The following BTBD17 variants were observed in gnomAD, a reference collection of about 807,000 sequenced individuals.
The protein encoded by BTBD17 is BTB domain containing 17.
Under a neutral mutation model 36.9 loss-of-function variants are expected in BTBD17, and 26 were observed. The observed-to-expected ratio is 0.70, with a 90% CI of 0.52 to 0.98. The LOEUF is 0.98. BTBD17 is among the 50% of genes least tolerant of loss of function. The pLI, the probability that BTBD17 is intolerant of heterozygous loss-of-function variation, is 0.00. For missense variants in BTBD17, 630 were observed against 691.3 expected, an observed-to-expected ratio of 0.91 and a Z score of 0.99; for synonymous variants, 341 against 338.0, an observed-to-expected ratio of 1.01 and a Z score of -0.10.
rs1356580949 is a variant in BTBD17 at position 74,357,488 on chromosome 17, G to A, written c.606C>T (p.Ser202=). The change falls in exon 3 of 3, where the codon AGC becomes AGT. Residue 202 remains serine, a synonymous_variant. Transcript: ENST00000375366. This position sits in a 1 kb window ranked among gnomAD's most constrained non-coding sequence, Gnocchi z 8.4. ...CGGGGCTCACGGCGCCCCACTCGGT[G>A]CTGGCCGCCACGGCCGACAGGTTCC... ...LAWNLSAVAA[S]TEWGAVSPEL... 6.4e-7 allele frequency: 1 copy of A among 1,570,484 alleles called. No individual in the cohort carries two copies. Among genetic ancestry groups the A allele is most frequent in the Admixed American group, 1.8e-5 (1 of 56,116 alleles).
intron 1 of BTBD17, among the ~76,000 whole-genome samples, chr17:74,360,495 G>T (rs1262755836): frequency 6.6e-6 from 1 of 152,222 alleles, no homozygotes; most frequent in Non-Finnish European, 1.5e-5. Context: ...TTGGAAGGGG[G>T]TGCATTCAGG....
In BTBD17 at chr17:74,360,436, G is replaced by A. The variant is rs549055775; in HGVS notation, c.86-191C>T. Among the ~76,000 whole-genome samples the A allele has an allele frequency of 3.3e-5, 5 of 152,330 alleles. No homozygotes were observed. The South Asian group carries it at 6.2e-4, about 19-fold the overall frequency. On this transcript the variant is annotated intron_variant, in intron 1 of 2. Coordinates refer to ENST00000375366, the MANE Select transcript of BTBD17 (RefSeq NM_001080466.2). ...TGGATGCATCGGTGCACATACAAAC[G>A]CACCCTGGGTGGGAAGGTCATGCCA... is the stretch of plus-strand genomic sequence containing the variant.
Position 74,359,533 on chromosome 17 carries a change from G to A in BTBD17, c.362+436C>T, listed in dbSNP as rs185643332. 1.2e-4 allele frequency among the ~76,000 whole-genome samples: 18 copies of A among 151,996 alleles called. No individual in the cohort carries two copies. In the East Asian group the frequency reaches 1.3e-3, roughly 11 times the overall value. ...CTCCCAAATAGCTGGGATTACAGTC[G>A]TGTGCCACCACACCCAGCTAATTTT... is the stretch of plus-strand genomic sequence containing the variant. On this transcript the variant is annotated intron_variant, in intron 2 of 2. Transcript: ENST00000375366.
At chr17:74,363,145 A>C (rs1338968678), upstream of BTBD17, among the ~76,000 whole-genome samples, 1 of 151,986 alleles carries the variant, frequency 6.6e-6, no homozygotes, top group Non-Finnish European at 1.5e-5. Context: ...GATGAATTAA[A>C]TCTTCCTCTC....
chr17:74,361,624 G>A lies in BTBD17; in HGVS notation c.85+111C>T, dbSNP rs1420793248. The A allele has an allele frequency of 1.5e-5, 12 of 810,638 alleles. No homozygotes were observed. In the Admixed American group the frequency reaches 1.5e-4, roughly 10 times the overall value. The allele number at this position is 810,638 out of a possible 1,614,324, so 50.2% of individuals were successfully genotyped here. ...TCCGTGGAGCTGTCCGGTCCACCCC[G>A]TGCTCTCCCCAGCAGCTGGACACCG... On this transcript the variant is annotated intron_variant, in intron 1 of 2. Transcript: ENST00000375366.
chr17:74,356,607 C>T lies in BTBD17; in HGVS notation c.*50G>A, dbSNP rs2054890295. 1 of 1,403,546 alleles carries T rather than the reference C, an allele frequency of 7.1e-7. No individual in the cohort carries two copies. The highest frequency in any genetic ancestry group is 2.8e-5 in the East Asian group (1 of 35,516). The allele number at this position is 1,403,546 out of a possible 1,614,324, so 86.9% of individuals were successfully genotyped here. Reference sequence around the variant, plus strand: ...ACCTCCAGGCTCGCCTTGCCCTTCCCAGACCCACAGGGACCACCTAGGCCA... The same window carrying T: ...ACCTCCAGGCTCGCCTTGCCCTTCCTAGACCCACAGGGACCACCTAGGCCA... On this transcript the variant is annotated 3_prime_UTR_variant, in exon 3 of 3. Coordinates refer to ENST00000375366, the MANE Select transcript of BTBD17 (RefSeq NM_001080466.2). This position sits in a 1 kb window ranked among gnomAD's most constrained non-coding sequence, Gnocchi z 4.3.
chr17:74,360,031 G>A lies in BTBD17; in HGVS notation c.300C>T (p.Asn100=), dbSNP rs373620568. 155 of 1,612,750 alleles carry A rather than the reference G, an allele frequency of 9.6e-5. No homozygotes were observed. Among genetic ancestry groups the A allele is most frequent in the Non-Finnish European group, 1.3e-4 (148 of 1,180,036 alleles). The change falls in exon 2 of 3, where the codon AAC becomes AAT. Residue 100 remains asparagine, a synonymous_variant. Coordinates refer to ENST00000375366, the MANE Select transcript of BTBD17 (RefSeq NM_001080466.2). ...GCTCCTGCAGCACCGCCTCGCTCTG[G>A]TTACTTAGCAGCTCCAGGAACAGCT... The part of the protein sequence containing the change: ...HSELFLELLS[N]QSEAVLQEPQ...
intron 2 of BTBD17, among the ~76,000 whole-genome samples, chr17:74,359,322 C>T (rs1370974329): frequency 6.6e-6 from 1 of 152,124 alleles, no homozygotes; most frequent in African/African-American, 2.4e-5. Context: ...AACTGACAAT[C>T]CAGGTTGGGA....
chr17:74,362,401 G>T (rs1340073342), upstream of BTBD17, among the ~76,000 whole-genome samples: 1 of 152,200 alleles, frequency 6.6e-6, no homozygotes. Context: ...GAGATCTCTC[G>T]AATAGGGGCC....
rs2054898314 is a variant in BTBD17, at chr17:74,357,050, G to C, written c.1044C>G (p.His348Gln). 5.2e-6 allele frequency: 8 copies of C among 1,529,352 alleles called. No individual in the cohort carries two copies. Among genetic ancestry groups the C allele is most frequent in the Non-Finnish European group, 7.0e-6 (8 of 1,150,744 alleles). 94.7% of individuals were successfully genotyped at this position (1,529,352 alleles called of 1,614,324 possible). A position where few individuals can be genotyped will look rare whatever the true frequency, so the allele number is the denominator to read the frequency against. The change falls in exon 3 of 3, where the codon CAC becomes CAG. Residue 348 changes from histidine (H) to glutamine (Q), a missense_variant. Physicochemically the swap from His to Gln is conservative, Grantham distance 24 (BLOSUM62 0). Transcript: ENST00000375366. This position sits in a 1 kb window ranked among gnomAD's most constrained non-coding sequence, Gnocchi z 8.4. ...SFQTQLGPSG[H>Q]DAGRRVTWNV... ...TCCAGGTGACCCGGCGGCCCGCGTCGTGGCCACTCGGGCCCAGCTGCGTCT... is the reference window on the plus strand; with the variant it reads ...TCCAGGTGACCCGGCGGCCCGCGTCCTGGCCACTCGGGCCCAGCTGCGTCT...
In BTBD17 at chr17:74,356,813, G is replaced by A; in HGVS notation, c.1281C>T (p.His427=). The A allele has an allele frequency of 3.1e-6, 5 of 1,587,590 alleles. No homozygotes were observed. The highest frequency in any genetic ancestry group is 4.3e-6 in the Non-Finnish European group (5 of 1,170,178). The part of the protein sequence containing the change: ...ARQQGRLLVR[H]AYSFHQSSEE... ...CGCTGCTCTGGTGGAAGCTGTAGGC[G>A]TGGCGGACCAGCAGGCGGCCCTGCT... The change falls in exon 3 of 3, where the codon CAC becomes CAT. Residue 427 remains histidine, a synonymous_variant. Transcript: ENST00000375366. This position sits in a 1 kb window ranked among gnomAD's most constrained non-coding sequence, Gnocchi z 4.3.
chr17:74,359,439 T>C (rs1488544309), intron 2 of BTBD17, among the ~76,000 whole-genome samples: 1 of 152,138 alleles, frequency 6.6e-6, no homozygotes. Context: ...TGGAATCTAG[T>C]GGCACAATCT....
chr17:74,360,076 C>T lies in BTBD17; in HGVS notation c.255G>A (p.Leu85=). The T allele has an allele frequency of 6.2e-7, 1 of 1,613,318 alleles. No individual in the cohort carries two copies. Among genetic ancestry groups the T allele is most frequent in the Admixed American group, 1.7e-5 (1 of 60,026 alleles). The change falls in exon 2 of 3, where the codon CTG becomes CTA. Residue 85 remains leucine (L), a synonymous_variant. Coordinates refer to ENST00000375366, the MANE Select transcript of BTBD17 (RefSeq NM_001080466.2). ...ACAGCTCACTGTGCAGTCCCAGCAG[C>T]AGGCGGTGGGCGTGGAATACCCGGA... ...DEVRVFHAHR[L]LLGLHSELFL... is the part of the protein sequence containing the mutation.
chr17:74,356,967 G>A lies in BTBD17; in HGVS notation c.1127C>T (p.Ala376Val). 6.9e-7 allele frequency: 1 copy of A among 1,444,016 alleles called. No individual in the cohort carries two copies. The highest frequency in any genetic ancestry group is 1.4e-5 in the South Asian group (1 of 71,502). The allele number at this position is 1,444,016 out of a possible 1,614,324, so 89.5% of individuals were successfully genotyped here. Residue 376 changes from alanine (A) to valine (V), a missense_variant, in exon 3 of 3, where the codon GCC (alanine) becomes GTC (valine). Ala to Val is a moderately conservative substitution (Grantham distance 64). Transcript: ENST00000375366. The surrounding 1 kb of genome is among the most constrained non-coding windows in gnomAD (Gnocchi z 4.3). ...PVSLRPVYAD[A>V]AGTALPAARP... is the part of the protein sequence containing the mutation. ...CGCGGCGGGCAGAGCAGTGCCCGCG[G>A]CGTCCGCGTAAACGGGCCGCAGGCT...
At position 74,357,311 on chromosome 17, in the gene BTBD17, T is replaced by C; in HGVS notation, c.783A>G (p.Pro261=). ...ALRAIRYPMI[P]PAQLFQLQAR... ...CCTGCAGCTGGAACAGCTGTGCCGG[T>C]GGGATCATGGGGTAGCGTATGGCGC... The change falls in exon 3 of 3, where the codon CCA becomes CCG. Residue 261 remains proline (P), a synonymous_variant. Transcript: ENST00000375366. This position sits in a 1 kb window ranked among gnomAD's most constrained non-coding sequence, Gnocchi z 8.4. 1 of 1,558,066 alleles carries C rather than the reference T, an allele frequency of 6.4e-7. No homozygotes were observed. Among genetic ancestry groups the C allele is most frequent in the Non-Finnish European group, 8.6e-7 (1 of 1,158,038 alleles).
In BTBD17 at chr17:74,356,846, C is replaced by T. The variant is rs771808568; in HGVS notation, c.1248G>A (p.Gly416=). Residue 416 remains glycine (G), a synonymous_variant, in exon 3 of 3, where the codon GGG becomes GGA. Transcript: ENST00000375366. This position sits in a 1 kb window ranked among gnomAD's most constrained non-coding sequence, Gnocchi z 4.3. ...GVSFQKTVLV[G]ARQQGRLLVR... ...CCAGCAGGCGGCCCTGCTGGCGCGC[C>T]CCCACCAGCACCGTCTTCTGGAAGC... 6.4e-7 allele frequency: 1 copy of T among 1,561,328 alleles called. No individual in the cohort carries two copies. The highest frequency in any genetic ancestry group is 2.5e-5 in the East Asian group (1 of 39,904).
rs1189431094 is a variant in BTBD17 at position 74,356,941 on chromosome 17, G to T, written c.1153C>A (p.Arg385Ser). 7.2e-7 allele frequency: 1 copy of T among 1,394,500 alleles called. No homozygotes were observed. The highest frequency in any genetic ancestry group is 1.6e-5 in the South Asian group (1 of 61,714). 86.4% of individuals were successfully genotyped at this position (1,394,500 alleles called of 1,614,324 possible). ...AGCCGCGGTCGGCCGTCCTCCGGGC[G>T]CGCGGCGGGCAGAGCAGTGCCCGCG... ...DAAGTALPAARPEDGRPRLVV... is the reference protein window; with the variant it reads ...DAAGTALPAASPEDGRPRLVV... Residue 385 changes from arginine to serine, a missense_variant, in exon 3 of 3, where the codon CGC becomes AGC. Transcript: ENST00000375366. This position sits in a 1 kb window ranked among gnomAD's most constrained non-coding sequence, Gnocchi z 4.3.
At chr17:74,358,228 C>A (rs2144322231) in intron 2 of BTBD17, among the ~76,000 whole-genome samples, 1 of 152,234 alleles carries the variant, frequency 6.6e-6, no homozygotes, top group East Asian at 2.0e-4. Flanking sequence ...TAGTGGCTCA[C>A]ACCTGGAATC....
Position 74,357,557 on chromosome 17 carries a change from G to A in BTBD17, c.537C>T (p.Thr179=), listed in dbSNP as rs749589254. 1.3e-6 allele frequency: 2 copies of A among 1,554,072 alleles called. No homozygotes were observed. Among genetic ancestry groups the A allele is most frequent in the Non-Finnish European group, 1.7e-6 (2 of 1,156,942 alleles). Residue 179 remains threonine (T), a synonymous_variant, in exon 3 of 3, where the codon ACC becomes ACT. Transcript: ENST00000375366. This position sits in a 1 kb window ranked among gnomAD's most constrained non-coding sequence, Gnocchi z 8.4. The part of the protein sequence containing the change: ...AVGWYHYAVG[T]GDEALRESCL... ...AGCTCTCGCGCAGGGCCTCGTCCCCGGTGCCCACCGCGTAGTGGTACCAGC... is the reference window on the plus strand; with the variant it reads ...AGCTCTCGCGCAGGGCCTCGTCCCCAGTGCCCACCGCGTAGTGGTACCAGC...
Sources: gnomAD v4.1 joint callset for allele counts (sites outside exome capture counted in the v4.1 genomes callset) on GRCh38, gnomAD v4.1.1 for gene constraint, Gnocchi (gnomAD v3.1) non-coding constraint, MANE v1.5 for transcripts, NCBI Gene and HGNC (gene_info 2026-07-23, HGNC 2026-07-21) for gene names.